The following OR3A2 variants were observed in gnomAD, a reference collection of about 807,000 sequenced individuals.
OR3A2 encodes olfactory receptor 3A2.
For synonymous variants in OR3A2, 126 were observed against 159.3 expected, an observed-to-expected ratio of 0.79 and a Z score of 1.57; for missense variants, 318 against 392.8, an observed-to-expected ratio of 0.81 and a Z score of 1.61.
chr17:3,280,206 C>T (rs2048768558), intron 1 of OR3A2, among the ~76,000 whole-genome samples: 3 of 152,016 alleles, frequency 2.0e-5, no homozygotes, highest in Admixed American at 2.0e-4. Flanking sequence ...TGACCAATGG[C>T]TCTAATGATA....
At chr17:3,292,056 A>G (rs756585726) in intron 3 of OR3A2, 1 of 1,614,230 alleles carries the variant, frequency 6.2e-7, no homozygotes, top group South Asian at 1.1e-5. Context: ...GTGATTGATC[A>G]CATTGGGGCC....
Position 3,362,055 on chromosome 17 carries a change from T to C in OR3A2, c.-179+21749A>G, listed in dbSNP as rs965687403. ...TGAATCCGTCTAGTCCTGGACTTTT[T>C]TTGGTTGGTAGGCTATAAATTATTG... On this transcript the variant is annotated intron_variant, in intron 2 of 4. Transcript: ENST00000573491. Among the ~76,000 whole-genome samples the C allele has an allele frequency of 2.4e-4, 36 of 151,764 alleles. 1 individual carries two copies. Among genetic ancestry groups the C allele is most frequent in the African/African-American group, 8.5e-4 (35 of 41,062 alleles).
intron 3 of OR3A2, among the ~76,000 whole-genome samples, chr17:3,294,059 T>C (rs577360308): frequency 1.3e-5 from 2 of 152,164 alleles, no homozygotes; most frequent in East Asian, 1.9e-4. Flanking sequence ...CCATGGCACA[T>C]GTTTACCTAT....
chr17:3,318,852 G>T (rs967098591), intron 3 of OR3A2, among the ~76,000 whole-genome samples: 8 of 152,104 alleles, frequency 5.3e-5, no homozygotes, highest in Non-Finnish European at 8.8e-5. Flanking sequence ...GTGCGAGAGG[G>T]CCACTTTCCT....
chr17:3,367,516 T>A (rs2049574208), intron 2 of OR3A2, among the ~76,000 whole-genome samples: 1 of 151,652 alleles, frequency 6.6e-6, no homozygotes, highest in Non-Finnish European at 1.5e-5. Flanking sequence ...TCCAACTCCA[T>A]CCAGGTTGCT....
chr17:3,281,529 C>T (rs1050649847), intron 1 of OR3A2, among the ~76,000 whole-genome samples: 5 of 152,118 alleles, frequency 3.3e-5, no homozygotes, highest in Non-Finnish European at 5.9e-5. Flanking sequence ...GCACCGCGCC[C>T]GGCAGCATCA....
At chr17:3,342,668 C>T (rs570234353) in intron 2 of OR3A2, among the ~76,000 whole-genome samples, 21 of 152,294 alleles carry the variant, frequency 1.4e-4, no homozygotes, top group African/African-American at 4.6e-4. Context: ...TCTCAGAGGG[C>T]CACCTGGCTG....
intron 2 of OR3A2, among the ~76,000 whole-genome samples, chr17:3,341,081 T>C (rs888028209): frequency 2.0e-5 from 3 of 152,188 alleles, no homozygotes; most frequent in East Asian, 1.9e-4. Context: ...GAGACTAGAA[T>C]TGCAACCCCT....
At chr17:3,277,894 T>C in exon 2 of OR3A2, 1 of 1,476,384 alleles carries the variant, frequency 6.8e-7, no homozygotes, top group East Asian at 2.3e-5. Context: ...TGTGGCTGAA[T>C]TTTTCCTGGT....
chr17:3,285,996 A>G (rs9944419), upstream of OR3A2, among the ~76,000 whole-genome samples: 1,907 of 152,256 alleles, frequency 0.013, 25 homozygotes, highest in African/African-American at 0.042. Context: ...TACGTGTGCC[A>G]TGGTGGTTTG....
At chr17:3,377,110 T>G (rs1597365537) in intron 2 of OR3A2, among the ~76,000 whole-genome samples, 1 of 152,322 alleles carries the variant, frequency 6.6e-6, no homozygotes, top group Middle Eastern at 3.4e-3. Context: ...AAGCTGCTTC[T>G]TTCAAAGGGT....
At chr17:3,347,194 A>G (rs1415076197) in intron 2 of OR3A2, among the ~76,000 whole-genome samples, 2 of 151,756 alleles carry the variant, frequency 1.3e-5, no homozygotes, top group African/African-American at 4.8e-5. Context: ...CAACTCAATG[A>G]TGTTGAGTAC....
At chr17:3,278,237 T>A in exon 2 of OR3A2, 1 of 1,614,208 alleles carries the variant, frequency 6.2e-7, no homozygotes, top group South Asian at 1.1e-5. Flanking sequence ...TTCGTAGAAC[T>A]GCAGCTGCCA....
At chr17:3,354,434 C>G (rs1033807867) in intron 2 of OR3A2, among the ~76,000 whole-genome samples, 9 of 150,768 alleles carry the variant, frequency 6.0e-5, no homozygotes, top group Non-Finnish European at 1.2e-4. Flanking sequence ...TTATAGGAGA[C>G]CTTTTATTAT....
chr17:3,291,854 T>C (rs1481834642), intron 3 of OR3A2: 3 of 1,614,112 alleles, frequency 1.9e-6, no homozygotes, highest in African/African-American at 1.3e-5. Flanking sequence ...GGGAGCCACA[T>C]GTGGAGAAGG....
rs559553986 is a variant in OR3A2, at chr17:3,282,861, A to G, written c.-7+1497T>C. On this transcript the variant is annotated intron_variant, in intron 1 of 1. Transcript: ENST00000642052. ...CCTGTGATCTTCCAGCTCCTTGCTC[A>G]TGCTGTTTTCCCCACCTGCAATGGT... 9.2e-5 allele frequency among the ~76,000 whole-genome samples: 14 copies of G among 152,330 alleles called. 1 individual carries two copies. The South Asian group carries it at 2.9e-3, about 32-fold the overall frequency.
chr17:3,307,063 G>A (rs1160407497), intron 3 of OR3A2, among the ~76,000 whole-genome samples: 2 of 152,222 alleles, frequency 1.3e-5, no homozygotes, highest in Admixed American at 6.5e-5. Flanking sequence ...CAACACACAG[G>A]CATTAGGGTC....
At position 3,371,860 on chromosome 17, in the gene OR3A2, C is replaced by T. The variant is rs1458884547; in HGVS notation, c.-179+11944G>A. Among the ~76,000 whole-genome samples the T allele has an allele frequency of 5.7e-5, 8 of 139,326 alleles. 1 individual carries two copies. The East Asian group carries it at 1.9e-3, about 34-fold the overall frequency. The allele number at this position is 139,326 out of a possible 152,430, so 91.4% of individuals were successfully genotyped here. ...ACCACCTCCCGCCCGGACGGGGCGGCTGGCCGGGAGGGGAGCTGACCCCCC... is the reference window on the plus strand; with the variant it reads ...ACCACCTCCCGCCCGGACGGGGCGGTTGGCCGGGAGGGGAGCTGACCCCCC... On this transcript the variant is annotated intron_variant, in intron 2 of 4. Coordinates refer to the OR3A2 transcript ENST00000573491.
chr17:3,345,211 A>T lies in OR3A2; in HGVS notation c.-178-9085T>A, dbSNP rs189036313. 2.4e-4 allele frequency among the ~76,000 whole-genome samples: 37 copies of T among 152,332 alleles called. No individual in the cohort carries two copies. In the East Asian group the frequency reaches 7.1e-3, roughly 29 times the overall value. The stretch of plus-strand genomic sequence containing the variant: ...CAAATTATTAGAGGATTTATCTCTC[A>T]GGGAGCTAAGAGGAACAAATACAAG... On this transcript the variant is annotated intron_variant, in intron 2 of 4. Coordinates refer to the OR3A2 transcript ENST00000573491.
Sources: allele counts gnomAD v4.1 joint callset (sites outside exome capture counted in the v4.1 genomes callset), GRCh38; gene constraint gnomAD v4.1.1; transcripts MANE v1.5; gene names NCBI Gene and HGNC (gene_info 2026-07-23, HGNC 2026-07-21).